The following MCRS1 variants were observed in gnomAD, a reference collection of about 807,000 sequenced individuals.
MCRS1 encodes the protein 58 kDa microspherule protein.
A neutral mutation model predicts 62.9 loss-of-function variants in MCRS1; 22 were observed. The observed-to-expected ratio is 0.35, with a 90% CI of 0.25 to 0.50. The LOEUF is 0.50. MCRS1 is among the 20% of genes least tolerant of loss of function. The pLI is 0.98. For missense variants in MCRS1, 456 were observed against 601.1 expected (o/e 0.76, Z 2.52); for synonymous variants, 244 against 233.5 (o/e 1.04, Z -0.41).
At chr12:49,567,529 G>A (rs985951353) in intron 1 of MCRS1, 5 of 152,042 alleles carry the variant, frequency 3.3e-5, no homozygotes, top group South Asian at 2.1e-4. Context: ...CCTGTCCCCA[G>A]GTGAGCCTGT....
In MCRS1 at chr12:49,558,825, G is replaced by C; in HGVS notation, c.1302+18C>G. 6.2e-7 allele frequency: 1 copy of C among 1,613,164 alleles called. No homozygotes were observed. Among genetic ancestry groups the C allele is most frequent in the Non-Finnish European group, 8.5e-7 (1 of 1,179,996 alleles). ...GCCTAGGTCTCATCCTGGCCTTCCT[G>C]CCTCCTCCCCAGCTCACCTCCACCA... On this transcript the variant is annotated intron_variant, in intron 14 of 14. Transcript: ENST00000343810.
chr12:49,559,412 G>A lies in MCRS1; in HGVS notation c.1086+41C>T. ...GACTACGCAGAGAAAGGCACTGACA[G>A]AGGAAGCAGCCTAAGAAGGGCGGGG... On this transcript the variant is annotated intron_variant, in intron 12 of 14. Transcript: ENST00000343810. This position sits in a 1 kb window ranked among gnomAD's most constrained non-coding sequence, Gnocchi z 5.2. The A allele has an allele frequency of 6.2e-7, 1 of 1,612,764 alleles. No individual in the cohort carries two copies. The highest frequency in any genetic ancestry group is 8.5e-7 in the Non-Finnish European group (1 of 1,178,882).
At chr12:49,564,998 C>T in intron 4 of MCRS1, 103 bp from the exon 5 acceptor site, 4 of 1,454,150 alleles carry the variant, frequency 2.8e-6, no homozygotes, top group Non-Finnish European at 3.6e-6. Context: ...CAGCCCCAGC[C>T]CCAGCCTCAG....
At position 49,559,637 on chromosome 12, in the gene MCRS1, A is replaced by G; in HGVS notation, c.1003+92T>C. 6.3e-7 allele frequency: 1 copy of G among 1,587,442 alleles called. No individual in the cohort carries two copies. ...AAGGGAAGGGGGTCGGGGCCTGGGA[A>G]ACGAGGGTCTCCCCAGCCAGGCAGC... is the stretch of plus-strand genomic sequence containing the variant. On this transcript the variant is annotated intron_variant, in intron 11 of 14. Coordinates refer to ENST00000343810, the MANE Select transcript of MCRS1 (RefSeq NM_006337.5). The surrounding 1 kb of genome is among the most constrained non-coding windows in gnomAD (Gnocchi z 5.2).
Position 49,559,236 on chromosome 12 carries a change from G to A in MCRS1, c.1152C>T (p.Ala384=), listed in dbSNP as rs1317153029. 3.1e-6 allele frequency: 5 copies of A among 1,613,932 alleles called. No individual in the cohort carries two copies. The highest frequency in any genetic ancestry group is 1.3e-5 in the African/African-American group (1 of 74,926). ...TACCTTGTTTCCGGGATATCTTCCA[G>A]GCCGGACCCTCCAGAGACAGGTCCA... ...IDVDLSLEGP[A]WKISRKQGVI... is the part of the protein sequence containing the mutation. Residue 384 remains alanine, a synonymous_variant, in exon 13 of 15, where the codon GCC becomes GCT. Transcript: ENST00000343810. The surrounding 1 kb of genome is among the most constrained non-coding windows in gnomAD (Gnocchi z 5.2).
chr12:49,566,291 C>T, intron 2 of MCRS1, 76 bp from the exon 3 acceptor site: 2 of 1,573,746 alleles, frequency 1.3e-6, no homozygotes, highest in Non-Finnish European at 1.7e-6. Flanking sequence ...TCCCCAGCCC[C>T]CTTCCCCTGC....
chr12:49,566,791 AG>A lies in MCRS1; in HGVS notation c.-61del. 1.2e-6 allele frequency: 2 copies of A among 1,600,258 alleles called. No individual in the cohort carries two copies. The highest frequency in any genetic ancestry group is 1.7e-6 in the Non-Finnish European group (2 of 1,171,338). ...ACCGGGCTAGGAGGAACGGTCCCAC[AG>A]GCTCATCCAAGGATTCTGACCAGGT... is the stretch of plus-strand genomic sequence containing the variant. On this transcript the variant is annotated 5_prime_UTR_variant, in exon 2 of 15. The change creates a premature stop within an existing upstream ORF in the 5' untranslated region. Coordinates refer to ENST00000343810, the MANE Select transcript of MCRS1 (RefSeq NM_006337.5).
At chr12:49,560,167 G>T in intron 9 of MCRS1, 128 bp downstream of exon 9, 1 of 1,214,682 alleles carries the variant, frequency 8.2e-7, no homozygotes, top group Non-Finnish European at 1.2e-6. Flanking sequence ...TGGGAGGGGA[G>T]GGGGCTCAGC....
chr12:49,565,548 G>A lies in MCRS1; in HGVS notation c.269C>T (p.Ser90Phe), dbSNP rs1939011547. The A allele has an allele frequency of 8.1e-6, 13 of 1,601,852 alleles. No homozygotes were observed. Among genetic ancestry groups the A allele is most frequent in the East Asian group, 2.2e-5 (1 of 44,830 alleles). ...EPGRCSGSEPSSSEKKKVSKA... is the reference protein window; with the variant it reads ...EPGRCSGSEPFSSEKKKVSKA... ...CCTCACCTTCTTCTTCTCACTGGAG[G>A]AGGGTTCACTCCCCGAACAGCGCCC... The change falls in exon 4 of 15, where the codon TCC (serine) becomes TTC (phenylalanine). Residue 90 changes from serine to phenylalanine, a missense_variant. By Grantham distance (155) the Ser-to-Phe change is radical. Transcript: ENST00000343810.
At chr12:49,560,586 T>G (rs569135936) in intron 8 of MCRS1, among the ~76,000 whole-genome samples, 4 of 152,250 alleles carry the variant, frequency 2.6e-5, no homozygotes, top group South Asian at 4.2e-4. Context: ...GGGAAGGAAA[T>G]TAAAATTGAC....
rs1938965428 is a variant in MCRS1 at position 49,564,804 on chromosome 12, T to C, written c.380A>G (p.Gln127Arg). ...CCAGCGGCCCAGATCCTTGGTCACCTGAAGTGGCTGTTTACTCTTCTTCAC... is the reference window on the plus strand; with the variant it reads ...CCAGCGGCCCAGATCCTTGGTCACCCGAAGTGGCTGTTTACTCTTCTTCAC... The part of the protein sequence containing the change: ...KRVKKSKQPL[Q>R]VTKDLGRWKP... Residue 127 changes from glutamine (Q) to arginine (R), a missense_variant, in exon 5 of 15, where the codon CAG (glutamine) becomes CGG (arginine). By Grantham distance (43) the Gln-to-Arg change is conservative (BLOSUM62 1). Coordinates refer to ENST00000343810, the MANE Select transcript of MCRS1 (RefSeq NM_006337.5). 4 of 1,613,998 alleles carry C rather than the reference T, an allele frequency of 2.5e-6. No homozygotes were observed. In the South Asian group the frequency reaches 4.4e-5, roughly 18 times the overall value.
rs746085945 is a variant in MCRS1 at position 49,563,119 on chromosome 12, C to G, written c.687G>C (p.Glu229Asp). Residue 229 changes from glutamate to aspartate, a missense_variant, in exon 8 of 15, where the codon GAG (glutamate) becomes GAC (aspartate). By Grantham distance (45) the Glu-to-Asp change is conservative. Coordinates refer to ENST00000343810, the MANE Select transcript of MCRS1 (RefSeq NM_006337.5). ...GTCTGTGCAGCAGGTCCTGGAAGGT[C>G]TCCAAGGTGGGCTGGCTGGTCTAGA... is the stretch of plus-strand genomic sequence containing the variant. ...KVGSTSQPTL[E>D]TFQDLLHRHP... 3 of 1,563,276 alleles carry G rather than the reference C, an allele frequency of 1.9e-6. No homozygotes were observed. In the African/African-American group the frequency reaches 4.1e-5, roughly 21 times the overall value.
chr12:49,565,931 G>A (rs1174559866), intron 3 of MCRS1, 146 bp downstream of exon 3: 1 of 1,255,498 alleles, frequency 8.0e-7, no homozygotes, highest in South Asian at 1.4e-5. Flanking sequence ...GGATTTAGCA[G>A]GGACAGGAAA....
At chr12:49,563,666 C>T in intron 6 of MCRS1, 120 bp from the exon 7 acceptor site, 1 of 692,620 alleles carries the variant, frequency 1.4e-6, no homozygotes, top group South Asian at 1.8e-5. Flanking sequence ...GCCAGGCCCT[C>T]ATTAGGAAGG....
rs1939089165 is a variant in MCRS1 at position 49,566,802 on chromosome 12, AG to A, written c.-72del. 1.3e-6 allele frequency: 2 copies of A among 1,587,052 alleles called. No individual in the cohort carries two copies. Among genetic ancestry groups the A allele is most frequent in the Non-Finnish European group, 1.7e-6 (2 of 1,161,866 alleles). On this transcript the variant is annotated 5_prime_UTR_variant, in exon 2 of 15. It introduces an in-frame stop codon into an upstream open reading frame of the 5' UTR. Coordinates refer to ENST00000343810, the MANE Select transcript of MCRS1 (RefSeq NM_006337.5). ...AGGAACGGTCCCACAGGCTCATCCA[AG>A]GATTCTGACCAGGTGAGCTTAAAGG... is the stretch of plus-strand genomic sequence containing the variant.
Position 49,559,974 on chromosome 12 carries a change from G to A in MCRS1, c.882-7C>T, listed in dbSNP as rs1396652644. On this transcript the variant is annotated splice_region_variant and splice_polypyrimidine_tract_variant and intron_variant, in intron 9 of 14. Coordinates refer to ENST00000343810, the MANE Select transcript of MCRS1 (RefSeq NM_006337.5). The surrounding 1 kb of genome is among the most constrained non-coding windows in gnomAD (Gnocchi z 5.2). The stretch of plus-strand genomic sequence containing the variant: ...GACCTCATCTCGCATGTCCCTGAGG[G>A]GCAAGAAGAGAAGGAAGATTTAGGT... 2.5e-6 allele frequency: 4 copies of A among 1,614,038 alleles called. No individual in the cohort carries two copies. The highest frequency in any genetic ancestry group is 1.3e-5 in the African/African-American group (1 of 74,930).
In MCRS1 at chr12:49,564,501, G is replaced by C. The variant is rs762847267; in HGVS notation, c.537C>G (p.Leu179=). The change falls in exon 6 of 15, where the codon CTC becomes CTG. Residue 179 remains leucine, a synonymous_variant. Coordinates refer to ENST00000343810, the MANE Select transcript of MCRS1 (RefSeq NM_006337.5). ...REVQERWYAL[L]YDPVISKLAC... is the part of the protein sequence containing the mutation. ...CTCACTTGGAGATGACAGGATCGTAGAGCAGGGCGTACCAACGCTCCTGGA... is the reference window on the plus strand; with the variant it reads ...CTCACTTGGAGATGACAGGATCGTACAGCAGGGCGTACCAACGCTCCTGGA... 28 of 1,613,148 alleles carry C rather than the reference G, an allele frequency of 1.7e-5. No individual in the cohort carries two copies. The highest frequency in any genetic ancestry group is 2.2e-5 in the Non-Finnish European group (26 of 1,179,558).
At chr12:49,560,089 G>C (rs1195718513) in intron 9 of MCRS1, 122 bp from the exon 10 acceptor site, 3 of 1,384,114 alleles carry the variant, frequency 2.2e-6, no homozygotes, top group Non-Finnish European at 3.1e-6. Flanking sequence ...TCAGGCCTTG[G>C]CCCAGCCTCC....
At chr12:49,565,054 T>C in intron 4 of MCRS1, 159 bp from the exon 5 acceptor site, 1 of 985,092 alleles carries the variant, frequency 1.0e-6, no homozygotes, top group Non-Finnish European at 1.2e-6. Flanking sequence ...GGAGCTCAGC[T>C]TTCTAATACC....
Sources: allele counts gnomAD v4.1 joint callset (sites outside exome capture counted in the v4.1 genomes callset), GRCh38; gene constraint gnomAD v4.1.1; non-coding constraint Gnocchi (gnomAD v3.1); transcripts MANE v1.5; gene names NCBI Gene and HGNC (gene_info 2026-07-23, HGNC 2026-07-21).